Variants in NFIB observed in about 807,000 individuals in gnomAD.
NFIB encodes the protein nuclear factor 1 B-type.
Under a neutral mutation model 61.5 loss-of-function variants are expected in NFIB, and 11 were observed. The ratio of observed to expected loss-of-function variants is 0.18; its 90% CI spans 0.11 to 0.30. The LOEUF (loss-of-function observed/expected upper bound fraction) is 0.30, where lower values mean the gene tolerates loss of function less well. NFIB is among the 10% of genes least tolerant of loss of function. The probability of loss-of-function intolerance (pLI) is 1.00; values close to 1 mark genes in which losing one functional copy is unlikely to be tolerated. For missense variants in NFIB, 471 were observed against 608.9 expected (o/e 0.77, Z 2.38); for synonymous variants, 260 against 216.5 (o/e 1.20, Z -1.76).
At position 14,085,165 on chromosome 9, in the gene NFIB, T is replaced by C. The variant is rs1489010347; in HGVS notation, c.*3144A>G. 4 of 229,068 alleles carry C rather than the reference T, an allele frequency of 1.7e-5. No individual in the cohort carries two copies. Among genetic ancestry groups the C allele is most frequent in the African/African-American group, 8.9e-5 (4 of 45,152 alleles). 14.2% of individuals were successfully genotyped at this position (229,068 alleles called of 1,614,324 possible). On this transcript the variant is annotated 3_prime_UTR_variant, in exon 11 of 11. Coordinates refer to ENST00000380953, the MANE Select transcript of NFIB (RefSeq NM_001190737.2). ...GCTGTGCTGTTCAGCATTTGGGCTATCAAACTGAATGGGCTAATCAAATAC... is the reference window on the plus strand; with the variant it reads ...GCTGTGCTGTTCAGCATTTGGGCTACCAAACTGAATGGGCTAATCAAATAC...
At chr9:14,171,053 T>C (rs1430184237) in intron 3 of NFIB, among the ~76,000 whole-genome samples, 1 of 152,238 alleles carries the variant, frequency 6.6e-6, no homozygotes, top group East Asian at 1.9e-4. Flanking sequence ...GAGTCCTTTC[T>C]CTGACAGCAT....
At chr9:14,459,737 C>T in the NFIB span, among the ~76,000 whole-genome samples, 1 of 152,252 alleles carries the variant, frequency 6.6e-6, no homozygotes, top group East Asian at 1.9e-4. Context: ...CAAAAGAAGA[C>T]ATTTATGCAG....
chr9:14,528,106 T>C, the NFIB span, among the ~76,000 whole-genome samples: 2 of 152,204 alleles, frequency 1.3e-5, no homozygotes, highest in Non-Finnish European at 2.9e-5. Flanking sequence ...TAGTCAATTA[T>C]ATATCTTTCA....
chr9:14,226,968 C>T (rs1372673050), intron 2 of NFIB, among the ~76,000 whole-genome samples: 4 of 142,600 alleles, frequency 2.8e-5, no homozygotes, highest in East Asian at 2.3e-4. Flanking sequence ...GGTGAAACTC[C>T]GTCTCTAATA....
intron 2 of NFIB, among the ~76,000 whole-genome samples, chr9:14,182,008 A>G (rs1458443083): frequency 6.6e-6 from 1 of 152,222 alleles, no homozygotes; most frequent in Non-Finnish European, 1.5e-5. Context: ...TCCAGCAGAG[A>G]AAAGAATGAA....
the NFIB span, among the ~76,000 whole-genome samples, chr9:14,502,074 C>T: frequency 6.6e-6 from 1 of 152,140 alleles, no homozygotes; most frequent in African/African-American, 2.4e-5. Flanking sequence ...TTACCCAAAA[C>T]CCCTGGGGCC....
At chr9:14,417,183 A>T in the NFIB span, among the ~76,000 whole-genome samples, 1 of 151,676 alleles carries the variant, frequency 6.6e-6, no homozygotes, top group East Asian at 1.9e-4. Flanking sequence ...GAGCCACCAC[A>T]CCCGGCCTTA....
At chr9:14,506,470 G>A in the NFIB span, among the ~76,000 whole-genome samples, 1 of 152,100 alleles carries the variant, frequency 6.6e-6, no homozygotes, top group Non-Finnish European at 1.5e-5. Context: ...TCTTTCTTGA[G>A]AAGAAACGAA....
chr9:14,183,944 T>G (rs971225727), intron 2 of NFIB, among the ~76,000 whole-genome samples: 2 of 152,168 alleles, frequency 1.3e-5, no homozygotes, highest in African/African-American at 2.4e-5. Flanking sequence ...TTACTATATT[T>G]TAAACTCAAT....
At chr9:14,295,322 CTTT>C (rs1166571452) in intron 2 of NFIB, among the ~76,000 whole-genome samples, 10 of 152,138 alleles carry the variant, frequency 6.6e-5, no homozygotes, top group African/African-American at 1.4e-4. Context: ...CAGCAGCATG[CTTT>C]TTTAAGGACA....
chr9:14,328,797 G>C (rs2060785798), intron 1 of NFIB, among the ~76,000 whole-genome samples: 1 of 152,172 alleles, frequency 6.6e-6, no homozygotes, highest in Non-Finnish European at 1.5e-5. Flanking sequence ...AAAATTAAAA[G>C]AGACTTTTGA....
At chr9:14,277,169 A>C (rs2058057264) in intron 2 of NFIB, among the ~76,000 whole-genome samples, 1 of 152,174 alleles carries the variant, frequency 6.6e-6, no homozygotes, top group African/African-American at 2.4e-5. Flanking sequence ...AATAAAAGAG[A>C]AAGTAACTGC....
intron 2 of NFIB, among the ~76,000 whole-genome samples, chr9:14,217,673 A>AAAAAAAAAAAAAAAAAAAAAAAAAAAAC (rs2051097842): frequency 6.6e-6 from 1 of 151,298 alleles, no homozygotes; most frequent in Non-Finnish European, 1.5e-5. Flanking sequence ...AAAAAAAAAA[A>AAAAAAAAAAAAAAAAAAAAAAAAAAAAC]AAAAAAAAGA....
At chr9:14,419,115 C>T in the NFIB span, among the ~76,000 whole-genome samples, 1 of 150,722 alleles carries the variant, frequency 6.6e-6, no homozygotes, top group African/African-American at 2.4e-5. Context: ...CCAAACTGGG[C>T]AAAAAAATAG....
chr9:14,235,083 G>A (rs936789734), intron 2 of NFIB, among the ~76,000 whole-genome samples: 2 of 152,038 alleles, frequency 1.3e-5, no homozygotes, highest in Non-Finnish European at 2.9e-5. Flanking sequence ...TGCCTATAGA[G>A]GATAATGATA....
chr9:14,220,275 C>A (rs2131824073), intron 2 of NFIB, among the ~76,000 whole-genome samples: 1 of 152,074 alleles, frequency 6.6e-6, no homozygotes, highest in South Asian at 2.1e-4. Context: ...AGGCTTATAC[C>A]ACAAAGAAAA....
the NFIB span, among the ~76,000 whole-genome samples, chr9:14,512,892 C>A: frequency 1.5e-5 from 2 of 136,398 alleles, no homozygotes; most frequent in Admixed American, 7.7e-5. Flanking sequence ...TTTGAAACTT[C>A]GAAAGAATTT....
chr9:14,285,837 G>A (rs878979833), intron 2 of NFIB, among the ~76,000 whole-genome samples: 7 of 151,944 alleles, frequency 4.6e-5, no homozygotes, highest in African/African-American at 1.7e-4. Flanking sequence ...TTAAGCATCA[G>A]GTCACTATGT....
chr9:14,470,571 T>C, the NFIB span, among the ~76,000 whole-genome samples: 2 of 152,066 alleles, frequency 1.3e-5, no homozygotes, highest in African/African-American at 2.4e-5. Context: ...AGGAGTCACA[T>C]AGTACAAAAC....
Sources: gnomAD v4.1 joint callset for allele counts (sites outside exome capture counted in the v4.1 genomes callset) on GRCh38, gnomAD v4.1.1 for gene constraint, MANE v1.5 for transcripts, NCBI Gene and HGNC (gene_info 2026-07-23, HGNC 2026-07-21) for gene names.